Variants in PUS1 observed in about 807,000 individuals in gnomAD.
PUS1 encodes pseudouridine synthase 1.
A neutral mutation model predicts 38.5 loss-of-function variants in PUS1; 25 were observed. The observed-to-expected ratio is 0.65, with a 90% CI of 0.47 to 0.91. The LOEUF (loss-of-function observed/expected upper bound fraction) is 0.91. PUS1 is among the 40% of genes least tolerant of loss of function. The pLI is 0.00. For synonymous variants in PUS1, 282 were observed against 260.4 expected, an observed-to-expected ratio of 1.08 and a Z score of -0.80; for missense variants, 597 against 612.3, an observed-to-expected ratio of 0.97 and a Z score of 0.26.
In PUS1 at chr12:131,929,969, G is replaced by C. The variant is rs752709725; in HGVS notation, c.137G>C (p.Arg46Pro). 5 of 1,516,508 alleles carry C rather than the reference G, an allele frequency of 3.3e-6. No homozygotes were observed. In the South Asian group the frequency reaches 5.0e-5, roughly 15 times the overall value. The allele number at this position is 1,516,508 out of a possible 1,614,324, so 93.9% of individuals were successfully genotyped here. Residue 46 changes from arginine (R) to proline (P), a missense_variant, in exon 2 of 6, where the codon CGG becomes CCG. Coordinates refer to ENST00000376649, the MANE Select transcript of PUS1 (RefSeq NM_025215.6). Reference sequence around the variant, plus strand: ...GCCGGAGCCGCATGCCCCCAGGACCGGAGGTCCTGCAGCGGCCGGGCCGGG... The same window carrying C: ...GCCGGAGCCGCATGCCCCCAGGACCCGAGGTCCTGCAGCGGCCGGGCCGGG... ...PPAGAACPQDRRSCSGRAGGD... is the reference protein window; with the variant it reads ...PPAGAACPQDPRSCSGRAGGD...
intron 3 of PUS1, among the ~76,000 whole-genome samples, chr12:131,934,302 A>G (rs922249401): frequency 2.0e-5 from 3 of 152,146 alleles, no homozygotes; most frequent in Non-Finnish European, 4.4e-5. Context: ...TTCTCTGACT[A>G]CCCTGGGGAG....
chr12:131,931,023 TTCTTTAAACA>T (rs1890577688), intron 2 of PUS1, among the ~76,000 whole-genome samples: 1 of 152,234 alleles, frequency 6.6e-6, no homozygotes, highest in African/African-American at 2.4e-5. Context: ...CAGTTCTGTG[TTCTTTAAACA>T]TCTTTAAACA....
chr12:131,941,710 G>GAA lies in PUS1; in HGVS notation c.964_965dup (p.Val323ArgfsTer70). 1 of 1,614,218 alleles carries GAA rather than the reference G, an allele frequency of 6.2e-7. No homozygotes were observed. Among genetic ancestry groups the GAA allele is most frequent in the Non-Finnish European group, 8.5e-7 (1 of 1,180,032 alleles). The stretch of plus-strand genomic sequence containing the variant: ...TGCTGGAGCGCAGCTGGGGCACAGA[G>GAA]AAGGTGGACGTGCCCAAGGCGCCCG... On this transcript the variant is annotated frameshift_variant, in exon 5 of 6. Coordinates refer to ENST00000376649, the MANE Select transcript of PUS1 (RefSeq NM_025215.6). LOFTEE classifies it high-confidence loss of function. The surrounding 1 kb of genome is among the most constrained non-coding windows in gnomAD (Gnocchi z 4.4).
intron 5 of PUS1, 98 bp from the exon 6 acceptor site, chr12:131,943,441 A>G (rs1192253903): frequency 3.1e-6 from 3 of 968,486 alleles, no homozygotes; most frequent in Non-Finnish European, 5.1e-6. Flanking sequence ...TGGTGGGGGC[A>G]AGGCTCCTGT....
At chr12:131,939,841 G>T (rs7960397) in intron 4 of PUS1, among the ~76,000 whole-genome samples, 33,594 of 151,960 alleles carry the variant, frequency 0.22, 6,001 homozygotes, top group African/African-American at 0.49. Context: ...GGGTCTCATT[G>T]TGTTGCCCAG....
intron 4 of PUS1, among the ~76,000 whole-genome samples, chr12:131,940,336 C>T (rs2136442051): frequency 6.6e-6 from 1 of 152,056 alleles, no homozygotes; most frequent in Non-Finnish European, 1.5e-5. Context: ...CAGCCCACAG[C>T]CTGATTATTT....
At chr12:131,943,404 C>A in intron 5 of PUS1, 135 bp from the exon 6 acceptor site, 1 of 795,746 alleles carries the variant, frequency 1.3e-6, no homozygotes, top group Non-Finnish European at 2.3e-6. Flanking sequence ...CGAGAACAAA[C>A]ACCAGACTCT....
rs1229386620 is a variant in PUS1, at chr12:131,932,093, A to T, written c.304-82A>T. 2.4e-6 allele frequency: 3 copies of T among 1,252,442 alleles called. No homozygotes were observed. The Admixed American group carries it at 5.8e-5, about 24-fold the overall frequency. The allele number at this position is 1,252,442 out of a possible 1,614,324, so 77.6% of individuals were successfully genotyped here. A position where few individuals can be genotyped will look rare whatever the true frequency, so the allele number is the denominator to read the frequency against. ...CAGGAGGCCAGAGGAGTAAGCGGCC[A>T]GGAGTTCGAGACCAGCCTGGGCAAC... is the stretch of plus-strand genomic sequence containing the variant. On this transcript the variant is annotated intron_variant, in intron 2 of 5. Coordinates refer to ENST00000376649, the MANE Select transcript of PUS1 (RefSeq NM_025215.6).
intron 5 of PUS1, 126 bp downstream of exon 5, chr12:131,942,109 A>G (rs1331504905): frequency 2.2e-6 from 2 of 909,478 alleles, no homozygotes; most frequent in African/African-American, 1.6e-5. Context: ...CTGCTGCAGG[A>G]GCAGGGGCAG....
Position 131,941,625 on chromosome 12 carries a change from A to G in PUS1, c.878A>G (p.Gln293Arg). The G allele has an allele frequency of 6.2e-7, 1 of 1,614,230 alleles. No individual in the cohort carries two copies. The highest frequency in any genetic ancestry group is 8.5e-7 in the Non-Finnish European group (1 of 1,180,036). ...AAGGGCCAGAGCTTCATGATGCATC[A>G]GATCCGGAAGATGGTCGGCCTGGTG... is the stretch of plus-strand genomic sequence containing the variant. The part of the protein sequence containing the change: ...RVKGQSFMMH[Q>R]IRKMVGLVVA... The change falls in exon 5 of 6, where the codon CAG (glutamine) becomes CGG (arginine). Residue 293 changes from glutamine to arginine, a missense_variant. Transcript: ENST00000376649. This position sits in a 1 kb window ranked among gnomAD's most constrained non-coding sequence, Gnocchi z 4.4.
chr12:131,939,093 G>A (rs947484642), intron 3 of PUS1, 80 bp from the exon 4 acceptor site: 37 of 894,964 alleles, frequency 4.1e-5, no homozygotes, highest in Non-Finnish European at 6.4e-5. Context: ...CGTAAGGTCC[G>A]CGTAGTCCTT....
intron 5 of PUS1, among the ~76,000 whole-genome samples, chr12:131,942,559 A>T (rs1010234720): frequency 1.3e-5 from 2 of 152,070 alleles, no homozygotes; most frequent in Admixed American, 6.5e-5. Context: ...GGCGCCCACC[A>T]CCACGCCCGG....
chr12:131,932,960 C>A, intron 3 of PUS1: 1 of 345,556 alleles, frequency 2.9e-6, no homozygotes, highest in South Asian at 2.1e-5. Context: ...CAGATCATGG[C>A]GGCAGGTGCG....
At chr12:131,943,322 A>G (rs2136446987) in intron 5 of PUS1, among the ~76,000 whole-genome samples, 1 of 152,324 alleles carries the variant, frequency 6.6e-6, no homozygotes, top group East Asian at 1.9e-4. Flanking sequence ...AAGGAGCCCA[A>G]CAAAGGCCCC....
Position 131,939,158 on chromosome 12 carries a change from C to A in PUS1, c.442-15C>A. The A allele has an allele frequency of 5.8e-6, 9 of 1,540,218 alleles. No individual in the cohort carries two copies. The highest frequency in any genetic ancestry group is 7.9e-6 in the Non-Finnish European group (9 of 1,136,364). On this transcript the variant is annotated splice_polypyrimidine_tract_variant and intron_variant, in intron 3 of 5. Coordinates refer to ENST00000376649, the MANE Select transcript of PUS1 (RefSeq NM_025215.6). ...AGGGACCCACCTTCCGTCACCCGTT[C>A]TGCTTTGTTTACAGGGTGTGTCCGC...
intron 3 of PUS1, among the ~76,000 whole-genome samples, chr12:131,938,785 G>A (rs1191524800): frequency 3.4e-5 from 5 of 147,522 alleles, no homozygotes; most frequent in African/African-American, 5.0e-5. Flanking sequence ...GCAGTGGCAC[G>A]ATCTCAGCTC....
Position 131,941,563 on chromosome 12 carries a change from T to C in PUS1, c.816T>C (p.Phe272=), listed in dbSNP as rs1891069846. 3 of 1,614,052 alleles carry C rather than the reference T, an allele frequency of 1.9e-6. No individual in the cohort carries two copies. The highest frequency in any genetic ancestry group is 2.5e-6 in the Non-Finnish European group (3 of 1,180,038). Residue 272 remains phenylalanine, a synonymous_variant, in exon 5 of 6, where the codon TTT becomes TTC. Coordinates refer to ENST00000376649, the MANE Select transcript of PUS1 (RefSeq NM_025215.6). This position sits in a 1 kb window ranked among gnomAD's most constrained non-coding sequence, Gnocchi z 4.4. ...YILEMYCEEP[F]VREGLEFAVI... Reference sequence around the variant, plus strand: ...TGGAGATGTACTGCGAGGAACCCTTTGTGCGGGAGGGCCTGGAGTTTGCGG... The same window carrying C: ...TGGAGATGTACTGCGAGGAACCCTTCGTGCGGGAGGGCCTGGAGTTTGCGG...
chr12:131,933,063 C>T lies in PUS1; in HGVS notation c.441+751C>T, dbSNP rs574925000. Among the ~76,000 whole-genome samples the T allele has an allele frequency of 5.9e-5, 9 of 152,138 alleles. No homozygotes were observed. In the South Asian group the frequency reaches 6.2e-4, roughly 11 times the overall value. On this transcript the variant is annotated intron_variant, in intron 3 of 5. Coordinates refer to ENST00000376649, the MANE Select transcript of PUS1 (RefSeq NM_025215.6). Reference sequence around the variant, plus strand: ...ATCACGAGAACAGCATGGGGGAAGCCGGGCCCATGATCCAGTCACCTCCCA... The same window carrying T: ...ATCACGAGAACAGCATGGGGGAAGCTGGGCCCATGATCCAGTCACCTCCCA...
At position 131,943,734 on chromosome 12, in the gene PUS1, T is replaced by A; in HGVS notation, c.*148T>A. ...GTTGTAACCTCAGGACCTTCCCTTGTAGGAACAGCCTTTCTCGAATCTGTT... is the reference window on the plus strand; with the variant it reads ...GTTGTAACCTCAGGACCTTCCCTTGAAGGAACAGCCTTTCTCGAATCTGTT... On this transcript the variant is annotated 3_prime_UTR_variant, in exon 6 of 6. Coordinates refer to ENST00000376649, the MANE Select transcript of PUS1 (RefSeq NM_025215.6). The A allele has an allele frequency of 1.4e-6, 1 of 695,906 alleles. No homozygotes were observed. The highest frequency in any genetic ancestry group is 2.6e-6 in the Non-Finnish European group (1 of 380,864). The allele number at this position is 695,906 out of a possible 1,614,324, so 43.1% of individuals were successfully genotyped here. A position where few individuals can be genotyped will look rare whatever the true frequency, so the allele number is the denominator to read the frequency against.
Sources: gnomAD v4.1 joint callset for allele counts (sites outside exome capture counted in the v4.1 genomes callset) on GRCh38, gnomAD v4.1.1 for gene constraint, Gnocchi (gnomAD v3.1) non-coding constraint, MANE v1.5 for transcripts, NCBI Gene and HGNC (gene_info 2026-07-23, HGNC 2026-07-21) for gene names.